Variants in TSPAN7 observed in about 807,000 individuals in gnomAD.
TSPAN7 encodes tetraspanin 7, also known as tetraspanin-7.
In TSPAN7, 1 loss-of-function variant was observed where a neutral mutation model predicts 17.6. The observed-to-expected ratio is 0.06, with a 90% CI of 0.02 to 0.27. The LOEUF (loss-of-function observed/expected upper bound fraction) is 0.27, where lower values mean the gene tolerates loss of function less well. Among genes scored for constraint, TSPAN7 ranks in the 10% least tolerant of loss-of-function variants. TSPAN7 has a pLI of 1.00. For synonymous variants in TSPAN7, 78 were observed against 79.0 expected, an observed-to-expected ratio of 0.99 and a Z score of 0.07; for missense variants, 112 against 201.7, an observed-to-expected ratio of 0.56 and a Z score of 2.69.
chrX:38,596,529 A>G (rs1010755245), intron 1 of TSPAN7, among the ~76,000 whole-genome samples: 5 of 111,469 alleles, frequency 4.5e-5, no homozygotes, highest in African/African-American at 1.6e-4. Context: ...CTAAGTAATT[A>G]TCATCTATTG....
At chrX:38,636,725 G>T (rs2147432654) in intron 1 of TSPAN7, among the ~76,000 whole-genome samples, 1 of 110,075 alleles carries the variant, frequency 9.1e-6, no homozygotes. Context: ...ACCCAGGCTG[G>T]AGTGCAATCG....
chrX:38,572,521 T>C (rs2069174534), intron 1 of TSPAN7, among the ~76,000 whole-genome samples: 1 of 111,926 alleles, frequency 8.9e-6, no homozygotes, highest in Admixed American at 9.4e-5. Flanking sequence ...ACTTTTATTC[T>C]TACCTCAGAC....
At chrX:38,580,130 T>C (rs1180848357) in intron 1 of TSPAN7, among the ~76,000 whole-genome samples, 1 of 112,153 alleles carries the variant, frequency 8.9e-6, no homozygotes, top group Non-Finnish European at 1.9e-5. Flanking sequence ...CCACCTCTTT[T>C]TGTAAATAAA....
chrX:38,588,670 G>A (rs2069272637), intron 1 of TSPAN7, among the ~76,000 whole-genome samples: 1 of 111,542 alleles, frequency 9.0e-6, no homozygotes, highest in African/African-American at 3.3e-5. Context: ...TTTTCAACTT[G>A]AGAAAAATCA....
chrX:38,569,896 G>C (rs915392160), intron 1 of TSPAN7, among the ~76,000 whole-genome samples: 1 of 111,815 alleles, frequency 8.9e-6, no homozygotes, highest in Non-Finnish European at 1.9e-5. Flanking sequence ...ATTGAATAGA[G>C]CATCTAAAAC....
At chrX:38,622,981 G>C (rs182390515) in intron 1 of TSPAN7, 1 of 331,454 alleles carries the variant, frequency 3.0e-6, no homozygotes, top group African/African-American at 2.6e-5. Flanking sequence ...AGATGGAACC[G>C]AAGATTTGAG....
intron 1 of TSPAN7, among the ~76,000 whole-genome samples, chrX:38,565,450 G>T (rs939966930): frequency 8.9e-6 from 1 of 111,858 alleles, no homozygotes; most frequent in Non-Finnish European, 1.9e-5. Flanking sequence ...GGATGGTCTC[G>T]ATCCCTTGAC....
intron 2 of TSPAN7, among the ~76,000 whole-genome samples, chrX:38,669,831 T>TAAATA (rs2069808730): frequency 8.9e-6 from 1 of 112,235 alleles, no homozygotes; most frequent in African/African-American, 3.2e-5. Context: ...ACTACAGAGA[T>TAAATA]AAATGCCCTT....
intron 1 of TSPAN7, among the ~76,000 whole-genome samples, chrX:38,644,333 T>C (rs2069633039): frequency 8.9e-6 from 1 of 112,247 alleles, no homozygotes; most frequent in Admixed American, 9.4e-5. Context: ...GACAGTTTAC[T>C]GGGAATGAGG....
intron 1 of TSPAN7, among the ~76,000 whole-genome samples, chrX:38,604,170 A>G (rs1470826404): frequency 2.0e-5 from 2 of 102,387 alleles, no homozygotes; most frequent in African/African-American, 7.2e-5. Flanking sequence ...ATGATTTCCA[A>G]TTTCATCCAT....
chrX:38,670,475 G>T (rs1352996235), intron 2 of TSPAN7, among the ~76,000 whole-genome samples: 1 of 112,246 alleles, frequency 8.9e-6, no homozygotes, highest in African/African-American at 3.2e-5. Context: ...TTAGATGCTT[G>T]CAAATGTCAT....
chrX:38,662,072 G>A (rs1030865817), intron 1 of TSPAN7, among the ~76,000 whole-genome samples: 2 of 111,471 alleles, frequency 1.8e-5, no homozygotes, highest in African/African-American at 3.3e-5. Context: ...GTGTTTTATG[G>A]ATCTTTAGCC....
chrX:38,654,241 T>C (rs1027879238), intron 1 of TSPAN7, among the ~76,000 whole-genome samples: 17 of 111,981 alleles, frequency 1.5e-4, no homozygotes, highest in Admixed American at 1.2e-3. Context: ...GCACTTAGCA[T>C]AGTACAGGGC....
At chrX:38,642,928 G>C (rs1259570796) in intron 1 of TSPAN7, among the ~76,000 whole-genome samples, 1 of 111,411 alleles carries the variant, frequency 9.0e-6, no homozygotes, top group African/African-American at 3.3e-5. Flanking sequence ...GCAGTGCTTT[G>C]TATGCTGTGG....
chrX:38,611,583 C>A (rs923051663), intron 1 of TSPAN7, among the ~76,000 whole-genome samples: 1 of 111,347 alleles, frequency 9.0e-6, no homozygotes, highest in South Asian at 3.8e-4. Context: ...AAAGTGTCTT[C>A]TAGAATTGCT....
At chrX:38,670,954 G>A (rs1370584823) in intron 2 of TSPAN7, among the ~76,000 whole-genome samples, 7 of 112,246 alleles carry the variant, frequency 6.2e-5, no homozygotes, top group South Asian at 7.5e-4. Context: ...CTTGCAGACC[G>A]TCGTGAGGAA....
In TSPAN7 at chrX:38,581,049, T is replaced by C. The variant is rs2069224675; in HGVS notation, c.81+19422T>C. Among the ~76,000 whole-genome samples the C allele has an allele frequency of 2.7e-5, 3 of 112,476 alleles. No individual in the cohort carries two copies. In the South Asian group the frequency reaches 1.1e-3, roughly 41 times the overall value. ...CTGTAGTGGGGATAGTTATTCCACATGGCTCCTTTGTAGAAAACTTAGGCC... is the reference window on the plus strand; with the variant it reads ...CTGTAGTGGGGATAGTTATTCCACACGGCTCCTTTGTAGAAAACTTAGGCC... On this transcript the variant is annotated intron_variant, in intron 1 of 7. Coordinates refer to ENST00000378482, the MANE Select transcript of TSPAN7 (RefSeq NM_004615.4).
intron 1 of TSPAN7, among the ~76,000 whole-genome samples, chrX:38,660,355 T>C (rs949424588): frequency 8.9e-6 from 1 of 112,286 alleles, no homozygotes; most frequent in Non-Finnish European, 1.9e-5. Flanking sequence ...GCTGGTTTCT[T>C]TGCTTTTCTG....
rs749118615 is a variant in TSPAN7, at chrX:38,586,084, G to A, written c.81+24457G>A. Among the ~76,000 whole-genome samples the A allele has an allele frequency of 4.4e-5, 5 of 112,625 alleles. No homozygotes were observed. The South Asian group carries it at 1.8e-3, about 41-fold the overall frequency. On this transcript the variant is annotated intron_variant, in intron 1 of 7. Transcript: ENST00000378482. ...ACTGATCTTGTTTCTTTGCTTCTCT[G>A]AATCTTGCAGCTTATCACCACCAAC...
Sources: allele counts gnomAD v4.1 joint callset (sites outside exome capture counted in the v4.1 genomes callset), GRCh38; gene constraint gnomAD v4.1.1; transcripts MANE v1.5; gene names NCBI Gene and HGNC (gene_info 2026-07-23, HGNC 2026-07-21).